Variants in ARHGAP8 observed in about 807,000 individuals in gnomAD.
The protein encoded by ARHGAP8 is Rho GTPase activating protein 8, also known as rho GTPase-activating protein 8.
ARHGAP8 carries 62 observed loss-of-function variants against 46.1 expected under a neutral mutation model. The ratio of observed to expected loss-of-function variants is 1.34; its 90% CI spans 1.10 to 1.66. The LOEUF (loss-of-function observed/expected upper bound fraction) is 1.66. Among genes scored for constraint, ARHGAP8 ranks in the 40% most tolerant of loss-of-function variants. The probability of loss-of-function intolerance (pLI) is 0.00; values close to 1 mark genes in which losing one functional copy is unlikely to be tolerated. For missense variants in ARHGAP8, 923 were observed against 568.4 expected (o/e 1.62, Z -6.34); for synonymous variants, 375 against 243.1 (o/e 1.54, Z -5.05).
At chr22:44,781,497 AT>A (rs1926842663) in intron 1 of ARHGAP8, among the ~76,000 whole-genome samples, 1 of 151,816 alleles carries the variant, frequency 6.6e-6, no homozygotes, top group African/African-American at 2.4e-5. Context: ...TTTTAAAATG[AT>A]TTATATTATA....
At chr22:44,765,694 C>T (rs1925501706) in intron 1 of ARHGAP8, among the ~76,000 whole-genome samples, 1 of 152,202 alleles carries the variant, frequency 6.6e-6, no homozygotes, top group African/African-American at 2.4e-5. Context: ...CAGGAGCAGC[C>T]CTCGTCACCT....
At chr22:44,857,510 G>A (rs1016821602) in intron 10 of ARHGAP8, among the ~76,000 whole-genome samples, 7 of 152,174 alleles carry the variant, frequency 4.6e-5, no homozygotes, top group African/African-American at 7.2e-5. Context: ...GTAAGGAAAC[G>A]AAGGCCCAGA....
chr22:44,848,869 G>A (rs574051868), intron 9 of ARHGAP8, 63 bp from the exon 10 acceptor site: 248 of 1,603,318 alleles, frequency 1.5e-4, no homozygotes, highest in Non-Finnish European at 2.0e-4. Flanking sequence ...CTCAGAGCTC[G>A]TTCTGCAGCG....
chr22:44,850,963 C>CAAAAA (rs71188492), intron 10 of ARHGAP8: 2 of 104,854 alleles, frequency 1.9e-5, no homozygotes, highest in African/African-American at 3.5e-5. Flanking sequence ...GACTCCATCT[C>CAAAAA]AAAAAAAAAA....
chr22:44,825,628 C>G (rs778894537), intron 7 of ARHGAP8, 35 bp downstream of exon 7: 3 of 1,587,980 alleles, frequency 1.9e-6, no homozygotes, highest in African/African-American at 1.4e-5. Context: ...CTCCTATGCC[C>G]TGGAGCCCTG....
rs181033893 is a variant in ARHGAP8, at chr22:44,819,984, C to T, written c.387-2387C>T. 7.7e-3 allele frequency among the ~76,000 whole-genome samples: 1,168 copies of T among 152,276 alleles called. 19 individuals are homozygous for T. Among genetic ancestry groups the T allele is most frequent in the African/African-American group, 0.027 (1,105 of 41,556 alleles). ...GGGCTCTGGAGCCCAGATTGGGCTC[C>T]GCAGCCCATTGCCTGTGAGATCTTG... On this transcript the variant is annotated intron_variant, in intron 5 of 11. Coordinates refer to ENST00000356099, the MANE Select transcript of ARHGAP8 (RefSeq NM_181335.3).
At chr22:44,785,300 G>T (rs1249595135) in intron 1 of ARHGAP8, among the ~76,000 whole-genome samples, 4 of 152,194 alleles carry the variant, frequency 2.6e-5, no homozygotes, top group Non-Finnish European at 5.9e-5. Flanking sequence ...CCAGCAAAGT[G>T]CCACAACCTG....
intron 4 of ARHGAP8, among the ~76,000 whole-genome samples, chr22:44,814,301 C>A (rs141267380): frequency 2.0e-4 from 30 of 152,240 alleles, no homozygotes; most frequent in African/African-American, 7.2e-4. Context: ...CAGGTCAGCT[C>A]CTGGCAGGGC....
chr22:44,815,804 T>C (rs1343362909), intron 5 of ARHGAP8, among the ~76,000 whole-genome samples: 2 of 151,724 alleles, frequency 1.3e-5, no homozygotes, highest in African/African-American at 4.9e-5. Flanking sequence ...TCTTCCGTTT[T>C]GGCTGTATGC....
At chr22:44,789,033 C>T (rs1927478207) in intron 2 of ARHGAP8, among the ~76,000 whole-genome samples, 1 of 152,224 alleles carries the variant, frequency 6.6e-6, no homozygotes, top group Admixed American at 6.5e-5. Context: ...TCTGTCTGCT[C>T]TCAGTTACTA....
In ARHGAP8 at chr22:44,824,485, A is replaced by C. The variant is rs147674640; in HGVS notation, c.486-998A>C. On this transcript the variant is annotated intron_variant, in intron 6 of 11. Transcript: ENST00000356099. Reference sequence around the variant, plus strand: ...TGCCTCACTCCCGAGCTGCCAACTAATGGTCATGTGCCCCCCCATCCTGTG... The same window carrying C: ...TGCCTCACTCCCGAGCTGCCAACTACTGGTCATGTGCCCCCCCATCCTGTG... 5.3e-5 allele frequency among the ~76,000 whole-genome samples: 8 copies of C among 152,214 alleles called. No homozygotes were observed. The East Asian group carries it at 1.5e-3, about 29-fold the overall frequency.
intron 3 of ARHGAP8, among the ~76,000 whole-genome samples, chr22:44,807,765 T>C (rs746609044): frequency 6.6e-6 from 1 of 152,238 alleles, no homozygotes; most frequent in Non-Finnish European, 1.5e-5. Flanking sequence ...AAGCCCTTCC[T>C]TGCCTGTCCA....
chr22:44,829,926 C>T (rs1930818338), intron 7 of ARHGAP8, among the ~76,000 whole-genome samples: 1 of 152,030 alleles, frequency 6.6e-6, no homozygotes, highest in African/African-American at 2.4e-5. Flanking sequence ...GTGTGGGCAC[C>T]TGGGGGAGGC....
rs114828441 is a variant in ARHGAP8, at chr22:44,758,637, G to A, written c.-72+6010G>A. The stretch of plus-strand genomic sequence containing the variant: ...GTAGTGGGGAGGGGGGGAACATAGC[G>A]TGTGCAAAGGCCGTGAGGTGGCAGT... On this transcript the variant is annotated intron_variant, in intron 1 of 11. Coordinates refer to ENST00000356099, the MANE Select transcript of ARHGAP8 (RefSeq NM_181335.3). 8.1e-3 allele frequency among the ~76,000 whole-genome samples: 1,227 copies of A among 151,774 alleles called. 21 individuals are homozygous for A. Among genetic ancestry groups the A allele is most frequent in the African/African-American group, 0.028 (1,152 of 41,350 alleles).
chr22:44,799,251 G>T (rs906946314), intron 2 of ARHGAP8, among the ~76,000 whole-genome samples: 8 of 152,258 alleles, frequency 5.3e-5, no homozygotes, highest in Non-Finnish European at 1.2e-4. Flanking sequence ...CACCAAGGCT[G>T]CGTGTGGCCT....
At chr22:44,845,401 G>A in intron 8 of ARHGAP8, 59 bp downstream of exon 8, 3 of 1,610,432 alleles carry the variant, frequency 1.9e-6, no homozygotes, top group East Asian at 4.5e-5. Context: ...ACCTCTCTGG[G>A]TGGTTTGTCT....
chr22:44,816,856 CTTTTCTTTCTT>C (rs961054230), intron 5 of ARHGAP8, among the ~76,000 whole-genome samples: 2 of 132,116 alleles, frequency 1.5e-5, no homozygotes, highest in Non-Finnish European at 3.2e-5. Flanking sequence ...TGGAGCCTTT[CTTTTCTTTCTT>C]TTTTCTTTCT....
chr22:44,792,811 G>GTGGTGTTGGT (rs1555911861), intron 2 of ARHGAP8, among the ~76,000 whole-genome samples: 8 of 132,960 alleles, frequency 6.0e-5, no homozygotes, highest in African/African-American at 8.8e-5. Flanking sequence ...GGTGGTGGTG[G>GTGGTGTTGGT]TTTTTTTTGT....
At chr22:44,796,251 G>C (rs529929738) in intron 2 of ARHGAP8, among the ~76,000 whole-genome samples, 71 of 152,298 alleles carry the variant, frequency 4.7e-4, no homozygotes, top group African/African-American at 1.7e-3. Flanking sequence ...CCCTGCTTCT[G>C]CTGCCTCTGC....
Sources: allele counts gnomAD v4.1 joint callset (sites outside exome capture counted in the v4.1 genomes callset), GRCh38; gene constraint gnomAD v4.1.1; transcripts MANE v1.5; gene names NCBI Gene and HGNC (gene_info 2026-07-23, HGNC 2026-07-21).